IQCH: variants seen among roughly 807,000 people sequenced by gnomAD.
IQCH encodes IQ motif containing H.
Under a neutral mutation model 117.0 loss-of-function variants are expected in IQCH, and 98 were observed. The ratio of observed to expected loss-of-function variants is 0.84; its 90% CI spans 0.71 to 0.99. The LOEUF (loss-of-function observed/expected upper bound fraction) is 0.99, where lower values mean the gene tolerates loss of function less well. Ranked by LOEUF, IQCH falls within the 50% of genes least tolerant of loss-of-function variation. The pLI, the probability that IQCH is intolerant of heterozygous loss-of-function variation, is 0.00. For synonymous variants in IQCH, 412 were observed against 448.2 expected (o/e 0.92, Z 1.02); for missense variants, 1,102 against 1,243.8 (o/e 0.89, Z 1.72).
intron 14 of IQCH, among the ~76,000 whole-genome samples, chr15:67,410,883 G>A (rs1435064402): frequency 6.6e-6 from 1 of 152,148 alleles, no homozygotes; most frequent in Non-Finnish European, 1.5e-5. Flanking sequence ...GCAGTTACCA[G>A]CACAGATTCC....
chr15:67,271,854 C>T (rs983036450), intron 3 of IQCH, among the ~76,000 whole-genome samples: 1 of 151,608 alleles, frequency 6.6e-6, no homozygotes, highest in Non-Finnish European at 1.5e-5. Context: ...TTGTCTTTAT[C>T]TTTTCAAAAA....
In IQCH at chr15:67,426,100, C is replaced by T. The variant is rs1007143281; in HGVS notation, c.2505+4523C>T. On this transcript the variant is annotated intron_variant, in intron 16 of 20. Transcript: ENST00000335894. This position sits in a 1 kb window ranked among gnomAD's most constrained non-coding sequence, Gnocchi z 5.1. ...CAGGCTCATTTTCTATTTTCCTTGC[C>T]CTGGACCTAGGATCGACTCAGAAGC... 3.3e-5 allele frequency among the ~76,000 whole-genome samples: 5 copies of T among 152,044 alleles called. No individual in the cohort carries two copies. Among genetic ancestry groups the T allele is most frequent in the African/African-American group, 1.2e-4 (5 of 41,378 alleles).
chr15:67,326,798 A>T (rs1035613356), intron 4 of IQCH, among the ~76,000 whole-genome samples: 1 of 152,244 alleles, frequency 6.6e-6, no homozygotes, highest in African/African-American at 2.4e-5. Context: ...AAATCAGCCT[A>T]TTATTTTAAT....
rs771339869 is a variant in IQCH at position 67,461,974 on chromosome 15, ATTTG to A, written c.2506-3149_2506-3146del. ...ATAAAAAGCATCTGTAATGAACTTT[ATTTG>A]TTTAATTTTATTTATTTCCCTATTT... On this transcript the variant is annotated intron_variant, in intron 16 of 20. Transcript: ENST00000335894. 1.2e-3 allele frequency among the ~76,000 whole-genome samples: 189 copies of A among 152,114 alleles called. 6 individuals are homozygous for A. The highest frequency in any genetic ancestry group is 5.8e-3 in the East Asian group (30 of 5,130).
chr15:67,284,629 A>G (rs1382360522), intron 4 of IQCH, among the ~76,000 whole-genome samples: 1 of 151,918 alleles, frequency 6.6e-6, no homozygotes, highest in East Asian at 1.9e-4. Flanking sequence ...CCTCCCTCCA[A>G]TAGGACCCAG....
intron 16 of IQCH, among the ~76,000 whole-genome samples, chr15:67,438,507 AAATC>A (rs1466140677): frequency 6.6e-6 from 1 of 152,232 alleles, no homozygotes; most frequent in Non-Finnish European, 1.5e-5. Flanking sequence ...AGCAAAAACA[AAATC>A]AAAGTACACA....
In IQCH at chr15:67,472,433, A is replaced by G. The variant is rs2083093410; in HGVS notation, c.2677-3263A>G. 6.6e-6 allele frequency among the ~76,000 whole-genome samples: 1 copy of G among 152,224 alleles called. No individual in the cohort carries two copies. Among genetic ancestry groups the G allele is most frequent in the Admixed American group, 6.5e-5 (1 of 15,286 alleles). ...CTGAATAGGAGGATGACACAGACCA[A>G]CCTGTGTTAGGGGGAAATGATTAAT... On this transcript the variant is annotated intron_variant, in intron 17 of 20. Transcript: ENST00000335894. The surrounding 1 kb of genome is among the most constrained non-coding windows in gnomAD (Gnocchi z 4.3).
chr15:67,489,178 C>T (rs1280858900), intron 18 of IQCH, among the ~76,000 whole-genome samples: 4 of 150,894 alleles, frequency 2.7e-5, no homozygotes, highest in Admixed American at 1.3e-4. Flanking sequence ...GGACTACAGG[C>T]GCCCGCCACC....
Position 67,465,001 on chromosome 15 carries a change from T to C in IQCH, c.2506-126T>C. 1.0e-5 allele frequency: 8 copies of C among 766,928 alleles called. No homozygotes were observed. The South Asian group carries it at 1.5e-4, about 14-fold the overall frequency. The allele number at this position is 766,928 out of a possible 1,614,324, so 47.5% of individuals were successfully genotyped here. On this transcript the variant is annotated intron_variant, in intron 16 of 20. Transcript: ENST00000335894. This position sits in a 1 kb window ranked among gnomAD's most constrained non-coding sequence, Gnocchi z 5.9. Reference sequence around the variant, plus strand: ...TACAAACAGAAGGAAAAACATCTACTCCATTAAGACACATGGTCACTGGTT... The same window carrying C: ...TACAAACAGAAGGAAAAACATCTACCCCATTAAGACACATGGTCACTGGTT...
intron 8 of IQCH, chr15:67,360,140 G>C (rs1240606308): frequency 2.5e-6 from 1 of 406,884 alleles, no homozygotes; most frequent in Non-Finnish European, 4.3e-6. Flanking sequence ...AAATGACTTA[G>C]CGTCCTTAAA....
chr15:67,362,829 G>C (rs572684169), intron 8 of IQCH, among the ~76,000 whole-genome samples: 13 of 152,286 alleles, frequency 8.5e-5, no homozygotes, highest in South Asian at 6.2e-4. Context: ...CAAAGTGTTC[G>C]AGGCTTTAAA....
intron 14 of IQCH, among the ~76,000 whole-genome samples, chr15:67,415,483 C>G (rs566786380): frequency 6.6e-6 from 1 of 152,148 alleles, no homozygotes; most frequent in African/African-American, 2.4e-5. Context: ...CCAAGATTTT[C>G]TGGATATTTC....
In IQCH at chr15:67,436,946, C is replaced by A. The variant is rs1413329439; in HGVS notation, c.2505+15369C>A. Among the ~76,000 whole-genome samples, 2 of 151,962 alleles carry A rather than the reference C, an allele frequency of 1.3e-5. No individual in the cohort carries two copies. Among genetic ancestry groups the A allele is most frequent in the Non-Finnish European group, 1.5e-5 (1 of 67,986 alleles). The stretch of plus-strand genomic sequence containing the variant: ...CAGACACGCGTAGCCCCACCCCCAC[C>A]TGATGGTCCTTCCCTATCCACCCTG... On this transcript the variant is annotated intron_variant, in intron 16 of 20. Transcript: ENST00000335894. This position sits in a 1 kb window ranked among gnomAD's most constrained non-coding sequence, Gnocchi z 5.1.
chr15:67,395,474 T>C lies in IQCH; in HGVS notation c.1816T>C (p.Tyr606His). 1 of 1,614,080 alleles carries C rather than the reference T, an allele frequency of 6.2e-7. No homozygotes were observed. The highest frequency in any genetic ancestry group is 1.7e-5 in the Admixed American group (1 of 60,006). ...CTCTGAGCCTGAACTAGCTCATCTT[T>C]ATAGTACCAAATCTGGAGGCAAACG... ...LGSEPELAHL[Y>H]STKSGGKRVF... The change falls in exon 13 of 21, where the codon TAT becomes CAT. Residue 606 changes from tyrosine (Y) to histidine (H), a missense_variant. Tyr to His is a moderately conservative substitution (Grantham distance 83). Coordinates refer to ENST00000335894, the MANE Select transcript of IQCH (RefSeq NM_001031715.3). This position sits in a 1 kb window ranked among gnomAD's most constrained non-coding sequence, Gnocchi z 4.0.
rs1483944061 is a variant in IQCH, at chr15:67,408,178, C to T, written c.2097+7873C>T. 1.3e-5 allele frequency: 2 copies of T among 152,186 alleles called. No individual in the cohort carries two copies. Among genetic ancestry groups the T allele is most frequent in the Non-Finnish European group, 2.9e-5 (2 of 68,038 alleles). The allele number at this position is 152,186 out of a possible 1,614,324, so 9.4% of individuals were successfully genotyped here. A position where few individuals can be genotyped will look rare whatever the true frequency, so the allele number is the denominator to read the frequency against. On this transcript the variant is annotated intron_variant, in intron 14 of 20. Coordinates refer to ENST00000335894, the MANE Select transcript of IQCH (RefSeq NM_001031715.3). The surrounding 1 kb of genome is among the most constrained non-coding windows in gnomAD (Gnocchi z 4.2). ...GGAATAAAGCAAAAGATGAGAGGAA[C>T]GAGAATTGGTTAGTGTTCTCACATC...
intron 14 of IQCH, among the ~76,000 whole-genome samples, chr15:67,414,676 A>G (rs973028663): frequency 6.7e-6 from 1 of 148,216 alleles, no homozygotes; most frequent in African/African-American, 2.5e-5. Flanking sequence ...ATATATATAT[A>G]TAATATAATA....
At chr15:67,441,337 A>T (rs1389170287) in intron 16 of IQCH, among the ~76,000 whole-genome samples, 1 of 152,140 alleles carries the variant, frequency 6.6e-6, no homozygotes, top group Non-Finnish European at 1.5e-5. Context: ...ATTCAATGCA[A>T]TCCCCATCAA....
chr15:67,321,513 TTTTCTTTC>T (rs374428966), intron 4 of IQCH, among the ~76,000 whole-genome samples: 2 of 149,572 alleles, frequency 1.3e-5, no homozygotes, highest in East Asian at 4.1e-4. Context: ...CTTTCTTTCT[TTTTCTTTC>T]TTTCTTTCTT....
At chr15:67,326,362 A>C (rs1350105427) in intron 4 of IQCH, among the ~76,000 whole-genome samples, 1 of 152,154 alleles carries the variant, frequency 6.6e-6, no homozygotes, top group African/African-American at 2.4e-5. Flanking sequence ...AATCCAGTCT[A>C]TCATTGATGG....
Sources: gnomAD v4.1 joint callset for allele counts (sites outside exome capture counted in the v4.1 genomes callset) on GRCh38, gnomAD v4.1.1 for gene constraint, Gnocchi (gnomAD v3.1) non-coding constraint, MANE v1.5 for transcripts, NCBI Gene and HGNC (gene_info 2026-07-23, HGNC 2026-07-21) for gene names.